EPM2A: variants seen among roughly 807,000 people sequenced by gnomAD.
The protein encoded by EPM2A is laforin.
A neutral mutation model predicts 26.5 loss-of-function variants in EPM2A; 21 were observed. That is an observed-to-expected ratio of 0.79 (90% CI 0.56 to 1.14). The LOEUF is 1.14. Ranked by LOEUF, EPM2A falls within the 50% of genes most tolerant of loss-of-function variation. EPM2A has a pLI of 0.00. For missense variants in EPM2A, 458 were observed against 440.8 expected (o/e 1.04, Z -0.35); for synonymous variants, 217 against 177.6 (o/e 1.22, Z -1.76).
At chr6:145,554,395 T>C (rs906237502) in intron 2 of EPM2A, among the ~76,000 whole-genome samples, 1 of 151,192 alleles carries the variant, frequency 6.6e-6, no homozygotes, top group African/African-American at 2.4e-5. Flanking sequence ...GATGGATAAA[T>C]AGATAGATAA....
intron 2 of EPM2A, among the ~76,000 whole-genome samples, chr6:145,617,543 T>C (rs1397445437): frequency 6.6e-6 from 1 of 152,230 alleles, no homozygotes; most frequent in Non-Finnish European, 1.5e-5. Context: ...AAAATGAAGA[T>C]ACTGATAGTA....
chr6:145,483,285 C>T (rs1050969141), intron 4 of EPM2A, among the ~76,000 whole-genome samples: 2 of 152,008 alleles, frequency 1.3e-5, no homozygotes, highest in Admixed American at 1.3e-4. Context: ...GTTTGAATTC[C>T]TCCAGCATTA....
chr6:145,403,159 G>A (rs549944211), intron 4 of EPM2A, among the ~76,000 whole-genome samples: 5 of 152,208 alleles, frequency 3.3e-5, no homozygotes, highest in African/African-American at 1.2e-4. Context: ...TGATATAGAC[G>A]TGTAATGTGA....
chr6:145,663,566 T>C (rs1400598850), intron 2 of EPM2A, among the ~76,000 whole-genome samples: 2 of 151,930 alleles, frequency 1.3e-5, no homozygotes, highest in African/African-American at 2.4e-5. Context: ...ATGCGGAGAA[T>C]AGAACCAAGT....
chr6:145,584,764 C>A (rs1781165939), intron 2 of EPM2A, among the ~76,000 whole-genome samples: 1 of 152,140 alleles, frequency 6.6e-6, no homozygotes. Context: ...GGGTTCCCAG[C>A]TTCCTTCCCC....
At chr6:145,538,986 G>C (rs1047079891) in intron 2 of EPM2A, among the ~76,000 whole-genome samples, 25 of 152,184 alleles carry the variant, frequency 1.6e-4, no homozygotes, top group African/African-American at 5.8e-4. Flanking sequence ...TACAGAGACA[G>C]CTCAACCCTC....
chr6:145,667,259 T>G (rs1779275260), intron 2 of EPM2A, among the ~76,000 whole-genome samples: 1 of 130,186 alleles, frequency 7.7e-6, no homozygotes, highest in Admixed American at 7.9e-5. Context: ...TTTCACAACC[T>G]ACTCATCTGA....
chr6:145,735,654 A>G, upstream of EPM2A: 2 of 1,081,870 alleles, frequency 1.8e-6, no homozygotes, highest in Non-Finnish European at 2.2e-6. Context: ...GGGATGCATC[A>G]CGCGGCTCCC....
At chr6:145,734,959 C>T in intron 1 of EPM2A, 1 of 293,240 alleles carries the variant, frequency 3.4e-6, no homozygotes, top group East Asian at 5.8e-5. Context: ...GGAAGGCGGC[C>T]GGGAGCGCTA....
At chr6:145,662,729 A>G (rs1308822525) in intron 2 of EPM2A, among the ~76,000 whole-genome samples, 1 of 152,190 alleles carries the variant, frequency 6.6e-6, no homozygotes, top group South Asian at 2.1e-4. Flanking sequence ...GGGGGATCAG[A>G]TATCAGTTGA....
chr6:145,435,594 T>A (rs192545328), intron 4 of EPM2A, among the ~76,000 whole-genome samples: 2,452 of 151,992 alleles, frequency 0.016, 57 homozygotes, highest in African/African-American at 0.054. Context: ...TTATTTTTTT[T>A]AATTATACTT....
At chr6:145,515,383 G>C (rs917275048) in intron 2 of EPM2A, among the ~76,000 whole-genome samples, 1 of 152,160 alleles carries the variant, frequency 6.6e-6, no homozygotes, top group African/African-American at 2.4e-5. Context: ...GCCTCTCTTA[G>C]CCTGTTTGGT....
intron 2 of EPM2A, among the ~76,000 whole-genome samples, chr6:145,563,716 C>T (rs370914641): frequency 6.6e-6 from 1 of 152,054 alleles, no homozygotes; most frequent in African/African-American, 2.4e-5. Flanking sequence ...CTCTCTTGCA[C>T]CAAAGAGTTT....
At chr6:145,670,883 A>G (rs1177280377) in intron 2 of EPM2A, 1 of 984,834 alleles carries the variant, frequency 1.0e-6, no homozygotes, top group East Asian at 1.1e-4. Context: ...TCACACGCCC[A>G]GTTAATACTC....
chr6:145,723,712 C>T (rs1222559608), intron 1 of EPM2A, among the ~76,000 whole-genome samples: 1 of 152,054 alleles, frequency 6.6e-6, no homozygotes, highest in East Asian at 1.9e-4. Flanking sequence ...ATATAAATGC[C>T]ATGGATTTCT....
chr6:145,583,802 GT>G (rs147175354), intron 2 of EPM2A, among the ~76,000 whole-genome samples: 4,830 of 152,340 alleles, frequency 0.032, 88 homozygotes, highest in African/African-American at 0.056. Context: ...AGGGATGCCT[GT>G]ATCCGTGCAC....
intron 2 of EPM2A, chr6:145,637,195 G>A (rs1211404816): frequency 1.3e-5 from 2 of 152,198 alleles, no homozygotes. Flanking sequence ...GCATTGCATT[G>A]TAAAGATTAT....
intron 4 of EPM2A, among the ~76,000 whole-genome samples, chr6:145,445,135 T>A (rs567803336): frequency 5.3e-5 from 8 of 152,174 alleles, no homozygotes; most frequent in African/African-American, 1.9e-4. Flanking sequence ...GTTTCTGTAG[T>A]GTGTCAAGAG....
In EPM2A at chr6:145,492,708, G is replaced by GA. The variant is rs1040733509; in HGVS notation, c.555+9813dup. Among the ~76,000 whole-genome samples, 13 of 152,302 alleles carry GA rather than the reference G, an allele frequency of 8.5e-5. No homozygotes were observed. The South Asian group carries it at 2.3e-3, about 27-fold the overall frequency. ...TCCAGGGAGGACCGGATTTTTCTCTGAAGCAGTCTGATAGCTGTCAAGCCA... is the reference window on the plus strand; with the variant it reads ...TCCAGGGAGGACCGGATTTTTCTCTGAAAGCAGTCTGATAGCTGTCAAGCCA... On this transcript the variant is annotated intron_variant, in intron 4 of 4. Coordinates refer to the EPM2A transcript ENST00000638717.
Sources: gnomAD v4.1 joint callset for allele counts (sites outside exome capture counted in the v4.1 genomes callset) on GRCh38, gnomAD v4.1.1 for gene constraint, MANE v1.5 for transcripts, NCBI Gene and HGNC (gene_info 2026-07-23, HGNC 2026-07-21) for gene names.